Variants in MRPS28 observed in about 807,000 individuals in gnomAD.
MRPS28 encodes small ribosomal subunit protein bS1m.
In MRPS28, 7 loss-of-function variants were observed where a neutral mutation model predicts 10.8. The ratio of observed to expected loss-of-function variants is 0.65; its 90% CI spans 0.37 to 1.22. The LOEUF (loss-of-function observed/expected upper bound fraction) is 1.22. Among genes scored for constraint, MRPS28 ranks in the 50% most tolerant of loss-of-function variants. The pLI is 0.02. For missense variants in MRPS28, 265 were observed against 232.9 expected, an observed-to-expected ratio of 1.14 and a Z score of -0.90; for synonymous variants, 121 against 93.3, an observed-to-expected ratio of 1.30 and a Z score of -1.71.
rs754388046 is a variant in MRPS28 at position 80,030,237 on chromosome 8, C to T, written c.12G>A (p.Leu4=). The T allele has an allele frequency of 3.7e-6, 6 of 1,613,920 alleles. No homozygotes were observed. Among genetic ancestry groups the T allele is most frequent in the African/African-American group, 1.3e-5 (1 of 74,950 alleles). MAA[L]CRTRAVAAES... The stretch of plus-strand genomic sequence containing the variant: ...CGGCAGCCACAGCACGGGTCCGACA[C>T]AGCGCCGCCATGACTTCTTTACCTC... The change falls in exon 1 of 3, where the codon CTG becomes CTA. Residue 4 remains leucine (L), a synonymous_variant. Coordinates refer to ENST00000276585, the MANE Select transcript of MRPS28 (RefSeq NM_014018.3).
chr8:79,977,800 G>C (rs1807843592), intron 2 of MRPS28, among the ~76,000 whole-genome samples: 1 of 151,442 alleles, frequency 6.6e-6, no homozygotes, highest in Admixed American at 6.6e-5. Flanking sequence ...CTGGGTGACA[G>C]AGTGAGACTG....
chr8:79,939,125 A>G (rs911992143), intron 2 of MRPS28, among the ~76,000 whole-genome samples: 1 of 152,176 alleles, frequency 6.6e-6, no homozygotes, highest in Non-Finnish European at 1.5e-5. Context: ...AACTTTCACT[A>G]ATGATTTTCA....
intron 2 of MRPS28, among the ~76,000 whole-genome samples, chr8:79,955,421 G>A (rs374924023): frequency 3.9e-5 from 6 of 152,234 alleles, no homozygotes; most frequent in East Asian, 1.9e-4. Flanking sequence ...TGGTTCATGA[G>A]GTACATTTTC....
chr8:79,955,974 CA>C (rs1177432062), intron 2 of MRPS28, among the ~76,000 whole-genome samples: 1 of 152,100 alleles, frequency 6.6e-6, no homozygotes, highest in Admixed American at 6.5e-5. Flanking sequence ...AACATAGGAC[CA>C]AAACTGTTGG....
chr8:79,940,865 G>A (rs1311773693), intron 2 of MRPS28, among the ~76,000 whole-genome samples: 3 of 152,122 alleles, frequency 2.0e-5, no homozygotes, highest in Non-Finnish European at 4.4e-5. Flanking sequence ...TGTTAAAAGA[G>A]TTTTCTCACA....
intron 2 of MRPS28, among the ~76,000 whole-genome samples, chr8:79,980,180 T>C (rs1030331868): frequency 2.6e-5 from 4 of 152,228 alleles, no homozygotes; most frequent in Admixed American, 6.5e-5. Context: ...ACCAGTACTT[T>C]GATAGCACTT....
At chr8:79,972,293 C>T (rs1807654392) in intron 2 of MRPS28, among the ~76,000 whole-genome samples, 2 of 152,274 alleles carry the variant, frequency 1.3e-5, no homozygotes, top group African/African-American at 2.4e-5. Context: ...AAAGGGACTT[C>T]AGCAACCATG....
At chr8:79,965,655 C>T (rs886946057) in intron 2 of MRPS28, among the ~76,000 whole-genome samples, 1 of 151,978 alleles carries the variant, frequency 6.6e-6, no homozygotes, top group Non-Finnish European at 1.5e-5. Context: ...ATTAGTTTCA[C>T]GCTTATGAAT....
chr8:79,936,761 G>A (rs942249761), intron 2 of MRPS28, among the ~76,000 whole-genome samples: 1 of 152,146 alleles, frequency 6.6e-6, no homozygotes, highest in Non-Finnish European at 1.5e-5. Context: ...AAAAATCTGT[G>A]CTTGCTTAGA....
chr8:79,921,106 G>A (rs1200947167), intron 2 of MRPS28, among the ~76,000 whole-genome samples: 4 of 152,120 alleles, frequency 2.6e-5, no homozygotes, highest in Admixed American at 6.5e-5. Flanking sequence ...TTGTAGATAT[G>A]AGGCATTATT....
intron 2 of MRPS28, among the ~76,000 whole-genome samples, chr8:79,979,915 CAAAAAAAAAAAAAAA>C (rs61633169): frequency 0.08 from 2,521 of 31,408 alleles, 98 homozygotes; most frequent in Middle Eastern, 0.28. Flanking sequence ...GATTCTCACG[CAAAAAAAAAAAAAAA>C]AAAAAAAAAA....
chr8:79,938,611 T>C (rs1806674486), intron 2 of MRPS28, among the ~76,000 whole-genome samples: 1 of 152,194 alleles, frequency 6.6e-6, no homozygotes, highest in Non-Finnish European at 1.5e-5. Flanking sequence ...AGAACCTTAC[T>C]GTTGCCAGTA....
intron 2 of MRPS28, among the ~76,000 whole-genome samples, chr8:80,000,829 C>T (rs1428896734): frequency 4.6e-5 from 7 of 152,154 alleles, no homozygotes; most frequent in Middle Eastern, 3.4e-3. Context: ...AGTTCAAGTC[C>T]AGCTGGGGCA....
At chr8:79,983,971 G>C (rs1294255181) in intron 2 of MRPS28, among the ~76,000 whole-genome samples, 1 of 152,240 alleles carries the variant, frequency 6.6e-6, no homozygotes, top group Admixed American at 6.5e-5. Flanking sequence ...ACACATAATT[G>C]TCAGATTCAC....
chr8:80,003,479 T>C (rs927584087), intron 1 of MRPS28, among the ~76,000 whole-genome samples: 1 of 152,070 alleles, frequency 6.6e-6, no homozygotes, highest in Non-Finnish European at 1.5e-5. Flanking sequence ...CTGACCAACA[T>C]AGAGAAACCC....
At chr8:80,013,204 T>A (rs1809100779) in intron 1 of MRPS28, among the ~76,000 whole-genome samples, 1 of 152,222 alleles carries the variant, frequency 6.6e-6, no homozygotes, top group Non-Finnish European at 1.5e-5. Flanking sequence ...ATTAAAGGAT[T>A]GGATAACTAT....
intron 2 of MRPS28, among the ~76,000 whole-genome samples, chr8:79,933,024 A>G (rs1231527106): frequency 6.6e-6 from 1 of 152,238 alleles, no homozygotes; most frequent in Non-Finnish European, 1.5e-5. Context: ...GCAGCTGACA[A>G]AGTTTTCAAA....
chr8:80,003,233 T>C (rs1808711915), intron 1 of MRPS28, 53 bp from the exon 2 acceptor site: 2 of 1,233,920 alleles, frequency 1.6e-6, no homozygotes, highest in Non-Finnish European at 2.1e-6. Flanking sequence ...GAAGGTATAA[T>C]AAAGTCTTAA....
intron 1 of MRPS28, among the ~76,000 whole-genome samples, chr8:80,005,073 T>C (rs950175217): frequency 4.6e-5 from 7 of 152,154 alleles, no homozygotes; most frequent in Admixed American, 2.0e-4. Flanking sequence ...CAGGATATTA[T>C]CCAGGAGAAC....
Sources: gnomAD v4.1 joint callset for allele counts (sites outside exome capture counted in the v4.1 genomes callset) on GRCh38, gnomAD v4.1.1 for gene constraint, MANE v1.5 for transcripts, NCBI Gene and HGNC (gene_info 2026-07-23, HGNC 2026-07-21) for gene names.